Variants in KCNIP4 observed in about 807,000 individuals in gnomAD.
KCNIP4 encodes the protein Kv channel-interacting protein 4.
KCNIP4 carries 12 observed loss-of-function variants against 34.0 expected under a neutral mutation model. The observed-to-expected ratio is 0.35, with a 90% CI of 0.23 to 0.57. The LOEUF is 0.57. Among genes scored for constraint, KCNIP4 ranks in the 20% least tolerant of loss-of-function variants. The probability of loss-of-function intolerance (pLI) is 0.83; values close to 1 mark genes in which losing one functional copy is unlikely to be tolerated. For synonymous variants in KCNIP4, 124 were observed against 102.2 expected (o/e 1.21, Z -1.29); for missense variants, 238 against 311.7 (o/e 0.76, Z 1.78).
intron 1 of KCNIP4, among the ~76,000 whole-genome samples, chr4:21,880,852 T>A (rs1726419286): frequency 6.6e-6 from 1 of 152,176 alleles, no homozygotes; most frequent in South Asian, 2.1e-4. Context: ...TGTATGCAAC[T>A]TAACAATGAC....
intron 1 of KCNIP4, among the ~76,000 whole-genome samples, chr4:21,207,712 T>C (rs1173811860): frequency 1.3e-5 from 2 of 152,192 alleles, no homozygotes; most frequent in African/African-American, 4.8e-5. Flanking sequence ...CCTAAAGCAA[T>C]ACACCTCTTA....
chr4:21,449,134 G>C (rs1728292905), intron 1 of KCNIP4, among the ~76,000 whole-genome samples: 1 of 152,166 alleles, frequency 6.6e-6, no homozygotes, highest in South Asian at 2.1e-4. Context: ...CAGAGGTATG[G>C]GCTGAAAGGA....
chr4:21,366,273 A>G (rs150915629), intron 1 of KCNIP4, among the ~76,000 whole-genome samples: 1 of 152,158 alleles, frequency 6.6e-6, no homozygotes, highest in African/African-American at 2.4e-5. Context: ...CTTTAAAAAA[A>G]TAAAAAAAAC....
intron 1 of KCNIP4, among the ~76,000 whole-genome samples, chr4:21,653,166 G>C (rs1325284699): frequency 1.3e-5 from 2 of 152,182 alleles, no homozygotes; most frequent in South Asian, 2.1e-4. Flanking sequence ...CAATGTATCT[G>C]TTTGTACATA....
chr4:20,841,253 A>G (rs989318185), intron 3 of KCNIP4, among the ~76,000 whole-genome samples: 1 of 152,150 alleles, frequency 6.6e-6, no homozygotes, highest in African/African-American at 2.4e-5. Context: ...GGGGTCATTC[A>G]TTTGTTCACA....
chr4:21,479,948 A>G (rs1331760436), intron 1 of KCNIP4, among the ~76,000 whole-genome samples: 1 of 151,712 alleles, frequency 6.6e-6, no homozygotes, highest in Non-Finnish European at 1.5e-5. Flanking sequence ...CAAGATAAAT[A>G]ATATTAGGAA....
At position 20,882,729 on chromosome 4, in the gene KCNIP4, T is replaced by A; in HGVS notation, c.62-20A>T. On this transcript the variant is annotated intron_variant, in intron 1 of 8. Transcript: ENST00000382152. ...GGAAACCTAGAAGATACAGGATCAG[T>A]TCTGTTAATGCTGTCTGCAGAGAGA... 1.3e-6 allele frequency: 2 copies of A among 1,577,528 alleles called. No homozygotes were observed.
intron 3 of KCNIP4, among the ~76,000 whole-genome samples, chr4:20,783,333 A>G (rs189785132): frequency 2.9e-3 from 440 of 152,212 alleles, no homozygotes; most frequent in Non-Finnish European, 5.2e-3. Context: ...TCTGGTACCA[A>G]TTTACTGTAT....
At chr4:21,201,050 T>G (rs928994602) in intron 1 of KCNIP4, among the ~76,000 whole-genome samples, 1 of 152,134 alleles carries the variant, frequency 6.6e-6, no homozygotes, top group Non-Finnish European at 1.5e-5. Context: ...CCAGACCTAT[T>G]TTATTCAAAA....
intron 1 of KCNIP4, among the ~76,000 whole-genome samples, chr4:21,799,547 T>C (rs1363781509): frequency 2.0e-5 from 3 of 152,172 alleles, no homozygotes; most frequent in African/African-American, 4.8e-5. Flanking sequence ...CTCACTAAAA[T>C]ATTAATATAT....
At chr4:21,894,676 TTATAAATAATTTAAA>T in intron 1 of KCNIP4, among the ~76,000 whole-genome samples, 1 of 152,338 alleles carries the variant, frequency 6.6e-6, no homozygotes, top group South Asian at 2.1e-4. Context: ...ATTTTATCAC[TTATAAATAATTTAAA>T]TAAAAGTTTG....
At chr4:21,670,714 G>A (rs1434872883) in intron 1 of KCNIP4, among the ~76,000 whole-genome samples, 2 of 151,978 alleles carry the variant, frequency 1.3e-5, no homozygotes, top group East Asian at 1.9e-4. Flanking sequence ...GGAGTGCAGT[G>A]GCGCGATCTT....
intron 1 of KCNIP4, among the ~76,000 whole-genome samples, chr4:21,012,839 A>G (rs925421260): frequency 3.9e-5 from 6 of 152,182 alleles, no homozygotes; most frequent in Non-Finnish European, 8.8e-5. Flanking sequence ...TGGTGATGGG[A>G]TAATGACCAG....
intron 1 of KCNIP4, among the ~76,000 whole-genome samples, chr4:20,934,650 A>G (rs2149607128): frequency 6.6e-6 from 1 of 152,358 alleles, no homozygotes; most frequent in East Asian, 1.9e-4. Flanking sequence ...TAAAAAGATA[A>G]AAATTTCTAT....
chr4:20,815,712 G>T (rs1716288550), intron 3 of KCNIP4, among the ~76,000 whole-genome samples: 1 of 152,114 alleles, frequency 6.6e-6, no homozygotes, highest in Non-Finnish European at 1.5e-5. Context: ...TTGTCCAGTG[G>T]AAGATATATA....
At chr4:21,904,159 A>T (rs1727863444) in intron 1 of KCNIP4, among the ~76,000 whole-genome samples, 1 of 152,308 alleles carries the variant, frequency 6.6e-6, no homozygotes, top group South Asian at 2.1e-4. Flanking sequence ...ACTTTGCATT[A>T]AAAACAAACA....
At chr4:20,808,393 A>C (rs906391521) in intron 3 of KCNIP4, among the ~76,000 whole-genome samples, 1 of 152,216 alleles carries the variant, frequency 6.6e-6, no homozygotes, top group Non-Finnish European at 1.5e-5. Flanking sequence ...CATTCATGTC[A>C]GTAGGTGCTG....
At chr4:21,494,599 C>T (rs184003604) in intron 1 of KCNIP4, among the ~76,000 whole-genome samples, 1 of 151,670 alleles carries the variant, frequency 6.6e-6, no homozygotes, top group Non-Finnish European at 1.5e-5. Context: ...ATAGTGAAAC[C>T]CTGTCTGTAC....
chr4:21,640,620 G>A (rs557838462), intron 1 of KCNIP4, among the ~76,000 whole-genome samples: 1 of 152,202 alleles, frequency 6.6e-6, no homozygotes, highest in South Asian at 2.1e-4. Context: ...CAACCAAACT[G>A]ATACAGCCCT....
Sources: gnomAD v4.1 joint callset for allele counts (sites outside exome capture counted in the v4.1 genomes callset) on GRCh38, gnomAD v4.1.1 for gene constraint, MANE v1.5 for transcripts, NCBI Gene and HGNC (gene_info 2026-07-23, HGNC 2026-07-21) for gene names.